Variants in MYOF observed in about 807,000 individuals in gnomAD.
MYOF encodes the protein myoferlin, also known as fer-1-like 3, myoferlin.
In MYOF, 244 loss-of-function variants were observed where a neutral mutation model predicts 284.2. That is an observed-to-expected ratio of 0.86 (90% CI 0.77 to 0.95). MYOF has a LOEUF of 0.95. Ranked by LOEUF, MYOF falls within the 40% of genes least tolerant of loss-of-function variation. The probability of loss-of-function intolerance (pLI) is 0.00; values close to 1 mark genes in which losing one functional copy is unlikely to be tolerated. For missense variants in MYOF, 2,496 were observed against 2,560.6 expected (o/e 0.97, Z 0.54); for synonymous variants, 904 against 919.7 (o/e 0.98, Z 0.31).
At chr10:93,339,367 T>TTGTGTGTGTGTGTGTGTGTGTGTGTG (rs35070199) in intron 39 of MYOF, among the ~76,000 whole-genome samples, 1 of 150,226 alleles carries the variant, frequency 6.7e-6, no homozygotes, top group South Asian at 2.1e-4. Context: ...TGCTTCTTAT[T>TTGTGTGTGTGTGTGTGTGTGTGTGTG]TGTGTGTGTG....
intron 1 of MYOF, among the ~76,000 whole-genome samples, chr10:93,470,250 C>CAAA (rs2057112324): frequency 6.9e-6 from 1 of 145,272 alleles, no homozygotes; most frequent in Admixed American, 6.9e-5. Flanking sequence ...AAGAAAGAAA[C>CAAA]AAAGAAAGAA....
At position 93,323,070 on chromosome 10, in the gene MYOF, A is replaced by AACCTT. The variant is rs1490573622; in HGVS notation, c.5456+3_5456+7dup. ...AGCTTGGCAAAGTCTCTCACATGCT[A>AACCTT]ACCTTACCCTTTGACGTAGATGTCA... On this transcript the variant is annotated splice_region_variant and intron_variant, in intron 48 of 53. Transcript: ENST00000359263. 1.2e-6 allele frequency: 2 copies of AACCTT among 1,611,880 alleles called. No individual in the cohort carries two copies. The highest frequency in any genetic ancestry group is 3.3e-5 in the Admixed American group (2 of 60,016).
chr10:93,480,873 C>T (rs187151907), intron 1 of MYOF, among the ~76,000 whole-genome samples: 4 of 152,184 alleles, frequency 2.6e-5, no homozygotes, highest in African/African-American at 9.6e-5. Flanking sequence ...AACAGAAAGG[C>T]GAAAGGTATA....
Position 93,378,705 on chromosome 10 carries a change from A to G in MYOF, c.2001+1158T>C, listed in dbSNP as rs950130921. 9.8e-4 allele frequency among the ~76,000 whole-genome samples: 128 copies of G among 130,824 alleles called. 10 individuals are homozygous for G. The highest frequency in any genetic ancestry group is 2.3e-3 in the African/African-American group (75 of 33,220). The allele number at this position is 130,824 out of a possible 152,430, so 85.8% of individuals were successfully genotyped here. On this transcript the variant is annotated intron_variant, in intron 21 of 53. Coordinates refer to ENST00000359263, the MANE Select transcript of MYOF (RefSeq NM_013451.4). ...TATGTGTGTGTGTGTATATATATAT[A>G]TATATATATATGTATATATTTATCT... is the stretch of plus-strand genomic sequence containing the variant.
At chr10:93,428,193 T>A (rs1377735473) in intron 4 of MYOF, among the ~76,000 whole-genome samples, 1 of 98,408 alleles carries the variant, frequency 1.0e-5, no homozygotes, top group Non-Finnish European at 1.9e-5. Context: ...GTTTTTTATG[T>A]GAATTTTTTT....
chr10:93,463,028 TG>T lies in MYOF; in HGVS notation c.89-6092del, dbSNP rs537635809. Among the ~76,000 whole-genome samples, 12 of 152,324 alleles carry T rather than the reference TG, an allele frequency of 7.9e-5. 1 individual carries two copies. In the South Asian group the frequency reaches 2.3e-3, roughly 29 times the overall value. On this transcript the variant is annotated intron_variant, in intron 1 of 53. Transcript: ENST00000359263. ...ACTGACTCAAATGCAGAGCACACTC[TG>T]AGTGTGCTCAAGGGCTCAAGTCGTT...
At chr10:93,344,198 GA>G in intron 37 of MYOF, among the ~76,000 whole-genome samples, 1 of 152,202 alleles carries the variant, frequency 6.6e-6, no homozygotes, top group Non-Finnish European at 1.5e-5. Flanking sequence ...TGCCTATACA[GA>G]AAGTGCTCAA....
chr10:93,428,209 T>G (rs1237719517), intron 4 of MYOF, among the ~76,000 whole-genome samples: 2 of 151,178 alleles, frequency 1.3e-5, no homozygotes, highest in Admixed American at 6.6e-5. Context: ...TTTTTTTTTT[T>G]TTTTTGAGAC....
intron 21 of MYOF, among the ~76,000 whole-genome samples, chr10:93,379,618 C>T (rs752166029): frequency 2.0e-4 from 30 of 152,294 alleles, no homozygotes; most frequent in Non-Finnish European, 3.8e-4. Context: ...GCTGCCTCTA[C>T]CATGCAGACA....
At chr10:93,443,950 C>G (rs2056353379) in intron 3 of MYOF, among the ~76,000 whole-genome samples, 1 of 152,130 alleles carries the variant, frequency 6.6e-6, no homozygotes, top group South Asian at 2.1e-4. Context: ...CTCCAGAATC[C>G]CAACTTTCAA....
At chr10:93,461,716 CA>C (rs1313389050) in intron 1 of MYOF, among the ~76,000 whole-genome samples, 1 of 152,094 alleles carries the variant, frequency 6.6e-6, no homozygotes, top group Non-Finnish European at 1.5e-5. Flanking sequence ...GGGTAGGGGG[CA>C]AACGGGCTTT....
Position 93,374,801 on chromosome 10 carries a change from C to A in MYOF, c.2263G>T (p.Glu755Ter). ...TGCATTAATTTATCAAGCCAGTCCTCAATTTCTGCCAGTGTGGACTTCACA... is the reference window on the plus strand; with the variant it reads ...TGCATTAATTTATCAAGCCAGTCCTAAATTTCTGCCAGTGTGGACTTCACA... ...TDVKSTLAEIEDWLDKLMQLT... is the reference protein window; with the variant it reads ...TDVKSTLAEI Residue 755 changes from glutamate to a stop codon, truncating the protein, a stop_gained, in exon 23 of 54, where the codon GAG (glutamate) becomes TAG (stop). Transcript: ENST00000359263. LOFTEE classifies it high-confidence loss of function. The A allele has an allele frequency of 6.2e-7, 1 of 1,614,134 alleles. No individual in the cohort carries two copies. Among genetic ancestry groups the A allele is most frequent in the East Asian group, 2.2e-5 (1 of 44,870 alleles).
At chr10:93,320,577 T>G (rs1480575774) in intron 48 of MYOF, among the ~76,000 whole-genome samples, 1 of 152,172 alleles carries the variant, frequency 6.6e-6, no homozygotes, top group African/African-American at 2.4e-5. Flanking sequence ...CACATGCATA[T>G]CTATGAGCAT....
chr10:93,320,147 G>C, intron 48 of MYOF, 134 bp from the exon 49 acceptor site: 1 of 1,036,292 alleles, frequency 9.6e-7, no homozygotes, highest in Non-Finnish European at 1.4e-6. Flanking sequence ...AGTTATCTTC[G>C]GAGCTGGGGG....
chr10:93,444,617 A>G (rs746070810), intron 3 of MYOF, among the ~76,000 whole-genome samples: 3 of 152,236 alleles, frequency 2.0e-5, no homozygotes, highest in Non-Finnish European at 4.4e-5. Context: ...CTGGATGATC[A>G]GACATGGTGA....
chr10:93,385,040 A>C (rs570602230), intron 19 of MYOF, among the ~76,000 whole-genome samples: 133 of 152,316 alleles, frequency 8.7e-4, no homozygotes, highest in Middle Eastern at 3.4e-3. Context: ...GACCAATGAG[A>C]GCTCTCAAGG....
chr10:93,427,530 C>CAAAA, intron 4 of MYOF, among the ~76,000 whole-genome samples: 1 of 81,820 alleles, frequency 1.2e-5, no homozygotes, highest in Non-Finnish European at 2.3e-5. Context: ...GACTCCGTCT[C>CAAAA]AAAAAAAAAA....
chr10:93,463,617 C>T (rs2056935027), intron 1 of MYOF, among the ~76,000 whole-genome samples: 2 of 151,704 alleles, frequency 1.3e-5, no homozygotes, highest in Non-Finnish European at 2.9e-5. Context: ...TCAGGCTGGT[C>T]TCAAACTCCT....
At chr10:93,471,293 CA>C (rs1365703549) in intron 1 of MYOF, among the ~76,000 whole-genome samples, 2 of 141,972 alleles carry the variant, frequency 1.4e-5, no homozygotes, top group Non-Finnish European at 3.1e-5. Context: ...AAACTCACCC[CA>C]GGGGGGATGG....
Sources: allele counts gnomAD v4.1 joint callset (sites outside exome capture counted in the v4.1 genomes callset), GRCh38; gene constraint gnomAD v4.1.1; transcripts MANE v1.5; gene names NCBI Gene and HGNC (gene_info 2026-07-23, HGNC 2026-07-21).